The following MEGF6 variants were observed in gnomAD, a reference collection of about 807,000 sequenced individuals.
The protein encoded by MEGF6 is multiple EGF like domains 6, also known as multiple epidermal growth factor-like domains protein 6.
Under a neutral mutation model 207.1 loss-of-function variants are expected in MEGF6, and 184 were observed. That is an observed-to-expected ratio of 0.89 (90% CI 0.79 to 1.00). The LOEUF (loss-of-function observed/expected upper bound fraction) is 1.00, where lower values mean the gene tolerates loss of function less well. Ranked by LOEUF, MEGF6 falls within the 50% of genes least tolerant of loss-of-function variation. The pLI is 0.00. For synonymous variants in MEGF6, 1,038 were observed against 910.0 expected (o/e 1.14, Z -2.53); for missense variants, 2,282 against 2,202.9 (o/e 1.04, Z -0.72).
At position 3,498,403 on chromosome 1, in the gene MEGF6, G is replaced by A; in HGVS notation, c.3320C>T (p.Pro1107Leu). The change falls in exon 26 of 37, where the codon CCA becomes CTA. Residue 1107 changes from proline (P) to leucine (L), a missense_variant. Transcript: ENST00000356575. ...ACACTTGTCCCCAGTCCAGCCGGCT[G>A]GGCAGAGGCAGCGGCCCGTGTGCGG... ...CDPHTGRCLC[P>L]AGWTGDKCQS... 1.2e-6 allele frequency: 2 copies of A among 1,600,098 alleles called. No individual in the cohort carries two copies. The highest frequency in any genetic ancestry group is 1.7e-6 in the Non-Finnish European group (2 of 1,176,154).
At position 3,501,319 on chromosome 1, in the gene MEGF6, C is replaced by T; in HGVS notation, c.2315-11G>A. Reference sequence around the variant, plus strand: ...GGCCCTCGGGACAATCTAGTGCCCACCCCCATGGCCAGTCAGTGCCCAAGC... The same window carrying T: ...GGCCCTCGGGACAATCTAGTGCCCATCCCCATGGCCAGTCAGTGCCCAAGC... On this transcript the variant is annotated splice_polypyrimidine_tract_variant and intron_variant, in intron 18 of 36. Transcript: ENST00000356575. 1.3e-6 allele frequency: 2 copies of T among 1,588,802 alleles called. No individual in the cohort carries two copies. Among genetic ancestry groups the T allele is most frequent in the South Asian group, 1.1e-5 (1 of 88,542 alleles).
At position 3,521,070 on chromosome 1, in the gene MEGF6, C is replaced by T. The variant is rs2101152149; in HGVS notation, c.604+3054G>A. Among the ~76,000 whole-genome samples, 6 of 152,270 alleles carry T rather than the reference C, an allele frequency of 3.9e-5. No homozygotes were observed. In the East Asian group the frequency reaches 7.8e-4, roughly 20 times the overall value. On this transcript the variant is annotated intron_variant, in intron 5 of 36. Transcript: ENST00000356575. ...CCGCAGAGCCTCAAGCCCGTGGGGG[C>T]ATGTTCCTTGTCCCCCTGCAAAGCC... is the stretch of plus-strand genomic sequence containing the variant.
At chr1:3,505,388 G>A (rs754011230) in intron 16 of MEGF6, 34 bp downstream of exon 16, 15 of 1,574,766 alleles carry the variant, frequency 9.5e-6, no homozygotes, top group Admixed American at 3.6e-5. Context: ...CGACCCTGGC[G>A]CCCCCCGCCC....
intron 4 of MEGF6, among the ~76,000 whole-genome samples, chr1:3,527,173 C>T (rs1403564367): frequency 6.6e-6 from 1 of 152,232 alleles, no homozygotes; most frequent in Non-Finnish European, 1.5e-5. Context: ...GCCCACCTTC[C>T]AGGCTCCATC....
At chr1:3,612,334 C>T (rs1233981054), upstream of MEGF6, among the ~76,000 whole-genome samples, 1 of 151,988 alleles carries the variant, frequency 6.6e-6, no homozygotes, top group Non-Finnish European at 1.5e-5. Flanking sequence ...TCTAGGGTGC[C>T]CATGGGCAGA....
upstream of MEGF6, among the ~76,000 whole-genome samples, chr1:3,615,580 A>G (rs1041347002): frequency 6.6e-6 from 1 of 152,240 alleles, no homozygotes; most frequent in East Asian, 1.9e-4. Context: ...GAGTCATCAC[A>G]TCCCTGCGTG....
intron 4 of MEGF6, among the ~76,000 whole-genome samples, chr1:3,552,549 G>T (rs1296233421): frequency 6.6e-6 from 1 of 152,242 alleles, no homozygotes; most frequent in Non-Finnish European, 1.5e-5. Flanking sequence ...TAACAAATTA[G>T]CTAGGTGTGG....
intron 17 of MEGF6, among the ~76,000 whole-genome samples, chr1:3,502,357 G>C (rs570058974): frequency 6.6e-6 from 1 of 152,300 alleles, no homozygotes; most frequent in East Asian, 1.9e-4. Flanking sequence ...AGTCACCAGA[G>C]GACCTGTCCT....
At chr1:3,563,062 T>C (rs1413112383) in intron 4 of MEGF6, among the ~76,000 whole-genome samples, 2 of 152,056 alleles carry the variant, frequency 1.3e-5, no homozygotes, top group African/African-American at 4.8e-5. Flanking sequence ...CACCCCTTCT[T>C]GGTCCAGTAC....
At chr1:3,522,429 G>GC (rs1346192235) in intron 5 of MEGF6, among the ~76,000 whole-genome samples, 1 of 152,186 alleles carries the variant, frequency 6.6e-6, no homozygotes, top group Non-Finnish European at 1.5e-5. Context: ...TGCAGGCCCT[G>GC]CCCAGGGGCC....
chr1:3,607,260 G>A (rs572318621), intron 1 of MEGF6, among the ~76,000 whole-genome samples: 12 of 145,192 alleles, frequency 8.3e-5, no homozygotes, highest in Admixed American at 1.4e-4. Context: ...AGCCCTTCCC[G>A]CACATCACAC....
intron 4 of MEGF6, among the ~76,000 whole-genome samples, chr1:3,575,664 G>A (rs543755898): frequency 2.0e-5 from 3 of 152,130 alleles, no homozygotes; most frequent in Admixed American, 6.5e-5. Flanking sequence ...CAAAGAGAGA[G>A]AGCTTGTGCG....
chr1:3,505,217 A>AG lies in MEGF6; in HGVS notation c.2178dup (p.Cys727LeufsTer44). 1 of 1,611,560 alleles carries AG rather than the reference A, an allele frequency of 6.2e-7. No individual in the cohort carries two copies. Among genetic ancestry groups the AG allele is most frequent in the Non-Finnish European group, 8.5e-7 (1 of 1,179,384 alleles). On this transcript the variant is annotated frameshift_variant, in exon 17 of 37. Coordinates refer to ENST00000356575, the MANE Select transcript of MEGF6 (RefSeq NM_001409.4). LOFTEE classifies it high-confidence loss of function. ...GGGGCCGGCCACTCACCTTGGCCAC[A>AG]GTCCTCTCCCTGGAAGCCAGCAGGA...
At chr1:3,505,398 C>CCT (rs1553192363) in intron 16 of MEGF6, 24 bp downstream of exon 16, 2 of 1,578,946 alleles carry the variant, frequency 1.3e-6, no homozygotes, top group African/African-American at 1.4e-5. Flanking sequence ...GCCCCCCGCC[C>CCT]CCAGACCCCA....
At chr1:3,624,081 C>T in the MEGF6 span, among the ~76,000 whole-genome samples, 1 of 152,208 alleles carries the variant, frequency 6.6e-6, no homozygotes, top group Non-Finnish European at 1.5e-5. Context: ...GTATCCTGAA[C>T]TCCTCATTCT....
intron 4 of MEGF6, among the ~76,000 whole-genome samples, chr1:3,576,700 A>T (rs2821056): frequency 0.67 from 99,066 of 148,278 alleles, 33,971 homozygotes; most frequent in Non-Finnish European, 0.76. Context: ...CTGCACACTC[A>T]GTCCTGTACA....
At chr1:3,602,362 G>T in intron 2 of MEGF6, 104 bp downstream of exon 2, 1 of 1,519,194 alleles carries the variant, frequency 6.6e-7, no homozygotes, top group East Asian at 2.4e-5. Context: ...GTGTGGCCCT[G>T]AGACCAGGAC....
At chr1:3,525,358 G>C (rs1557749648) in intron 4 of MEGF6, among the ~76,000 whole-genome samples, 1 of 152,238 alleles carries the variant, frequency 6.6e-6, no homozygotes. Flanking sequence ...AGCAGGAAGG[G>C]GTCGAGAGCA....
chr1:3,595,177 T>C (rs55901423), intron 3 of MEGF6, among the ~76,000 whole-genome samples, 161 bp downstream of exon 3: 3,348 of 152,320 alleles, frequency 0.022, 116 homozygotes, highest in African/African-American at 0.076. Flanking sequence ...GACGTCGCTT[T>C]TGCAGCCTTT....
Sources: allele counts gnomAD v4.1 joint callset (sites outside exome capture counted in the v4.1 genomes callset), GRCh38; gene constraint gnomAD v4.1.1; transcripts MANE v1.5; gene names NCBI Gene and HGNC (gene_info 2026-07-23, HGNC 2026-07-21).